Variants in CRACD observed in about 807,000 individuals in gnomAD.
CRACD encodes capping protein inhibiting regulator of actin dynamics.
Under a neutral mutation model 106.8 loss-of-function variants are expected in CRACD, and 56 were observed. That is an observed-to-expected ratio of 0.52 (90% CI 0.42 to 0.66). CRACD has a LOEUF of 0.66. Ranked by LOEUF, CRACD falls within the 30% of genes least tolerant of loss-of-function variation. The pLI is 0.00. For missense variants in CRACD, 1,730 were observed against 1,623.2 expected, an observed-to-expected ratio of 1.07 and a Z score of -1.13; for synonymous variants, 754 against 670.8, an observed-to-expected ratio of 1.12 and a Z score of -1.92.
At position 56,168,330 on chromosome 4, in the gene CRACD, T is replaced by A. The variant is rs143748374; in HGVS notation, c.-335-10954T>A. 6.5e-4 allele frequency among the ~76,000 whole-genome samples: 99 copies of A among 152,334 alleles called. 4 individuals carry two copies. In the East Asian group the frequency reaches 0.015, roughly 23 times the overall value. ...AACTCTTTAAGATTTTTCTTCTTTT[T>A]GTCTGTTAATATTGTAAATTACACT... On this transcript the variant is annotated intron_variant, in intron 1 of 10. Coordinates refer to ENST00000682029, the MANE Select transcript of CRACD (RefSeq NM_001393381.1).
At chr4:56,090,453 A>G (rs1020289929) in intron 1 of CRACD, among the ~76,000 whole-genome samples, 2 of 152,074 alleles carry the variant, frequency 1.3e-5, no homozygotes, top group Non-Finnish European at 2.9e-5. Flanking sequence ...GCTGGAGTGC[A>G]GTGGCACTAT....
intron 1 of CRACD, among the ~76,000 whole-genome samples, chr4:56,174,116 G>C (rs1235322447): frequency 1.3e-5 from 2 of 152,108 alleles, no homozygotes; most frequent in African/African-American, 4.8e-5. Context: ...CTAAAATCTG[G>C]CAACACCATT....
chr4:56,169,751 G>T (rs1234855976), intron 1 of CRACD, among the ~76,000 whole-genome samples: 1 of 152,112 alleles, frequency 6.6e-6, no homozygotes, highest in Non-Finnish European at 1.5e-5. Context: ...ACCTGCCTTG[G>T]CGTCCCAAAG....
At chr4:56,183,173 C>T (rs1343414599) in intron 2 of CRACD, among the ~76,000 whole-genome samples, 4 of 150,736 alleles carry the variant, frequency 2.7e-5, no homozygotes, top group East Asian at 1.9e-4. Context: ...GCGGAGGTTG[C>T]GGTGAGCCAA....
At chr4:56,185,770 C>G (rs572166331) in intron 2 of CRACD, among the ~76,000 whole-genome samples, 66 of 152,302 alleles carry the variant, frequency 4.3e-4, no homozygotes, top group African/African-American at 1.6e-3. Flanking sequence ...CCTGTCTCCC[C>G]ACCCCTGACT....
In CRACD at chr4:56,111,681, A is replaced by AT. The variant is rs1382119125; in HGVS notation, c.-336+62392dup. ...CTCAGCCTCCTAAGTAGCCCAGCTAATTTTTTTTTTGTATTTTTATTAGAG... is the reference window on the plus strand; with the variant it reads ...CTCAGCCTCCTAAGTAGCCCAGCTAATTTTTTTTTTTGTATTTTTATTAGAG... On this transcript the variant is annotated intron_variant, in intron 1 of 10. Coordinates refer to ENST00000682029, the MANE Select transcript of CRACD (RefSeq NM_001393381.1). Among the ~76,000 whole-genome samples the AT allele has an allele frequency of 1.9e-3, 283 of 149,634 alleles. 1 individual carries two copies. Among genetic ancestry groups the AT allele is most frequent in the South Asian group, 3.6e-3 (17 of 4,700 alleles).
chr4:56,137,042 A>G (rs955578017), intron 1 of CRACD, among the ~76,000 whole-genome samples: 2 of 152,070 alleles, frequency 1.3e-5, no homozygotes, highest in Non-Finnish European at 2.9e-5. Flanking sequence ...TTATGGTTCT[A>G]TTTGGGGATT....
At chr4:56,108,295 A>G (rs1180472385) in intron 1 of CRACD, among the ~76,000 whole-genome samples, 1 of 152,342 alleles carries the variant, frequency 6.6e-6, no homozygotes, top group East Asian at 1.9e-4. Flanking sequence ...TACCCCTGAT[A>G]TGATACATTG....
At chr4:56,223,453 C>A (rs1448232188) in intron 2 of CRACD, among the ~76,000 whole-genome samples, 1 of 151,928 alleles carries the variant, frequency 6.6e-6, no homozygotes, top group Non-Finnish European at 1.5e-5. Context: ...TGTCAGGTTG[C>A]CTCATTTTTG....
Position 56,059,275 on chromosome 4 carries a change from AAAACAAACAAAC to A in CRACD, c.-336+9990_-336+10001del, listed in dbSNP as rs56089137. Among the ~76,000 whole-genome samples the A allele has an allele frequency of 3.3e-4, 50 of 150,934 alleles. 2 individuals carry two copies. In the East Asian group the frequency reaches 9.4e-3, roughly 28 times the overall value. On this transcript the variant is annotated intron_variant, in intron 1 of 10. Coordinates refer to ENST00000682029, the MANE Select transcript of CRACD (RefSeq NM_001393381.1). ...CAACAAGACCAAACCCCACCTCTAC[AAAACAAACAAAC>A]AAACAAACAAACAGAAAACAAAGAC... is the stretch of plus-strand genomic sequence containing the variant.
intron 1 of CRACD, among the ~76,000 whole-genome samples, chr4:56,094,196 A>T (rs546181643): frequency 2.6e-5 from 4 of 152,192 alleles, no homozygotes; most frequent in Admixed American, 6.5e-5. Flanking sequence ...ATTGGTTGAT[A>T]TGTATATTTT....
chr4:56,082,076 A>C (rs1452554144), intron 1 of CRACD, among the ~76,000 whole-genome samples: 2 of 152,228 alleles, frequency 1.3e-5, no homozygotes, highest in Non-Finnish European at 1.5e-5. Flanking sequence ...GAAATATTTG[A>C]TAGTGGCTCT....
intron 1 of CRACD, among the ~76,000 whole-genome samples, chr4:56,169,472 T>A (rs542955124): frequency 1.1e-4 from 17 of 152,288 alleles, no homozygotes; most frequent in African/African-American, 4.1e-4. Context: ...TATCTTTTCA[T>A]GCCTGAACTT....
At chr4:56,279,386 G>A (rs1742876169) in intron 3 of CRACD, among the ~76,000 whole-genome samples, 1 of 152,118 alleles carries the variant, frequency 6.6e-6, no homozygotes, top group South Asian at 2.1e-4. Context: ...GAAAATTTTT[G>A]CAATCTGCTT....
chr4:56,249,677 A>G (rs1368102731), intron 2 of CRACD, among the ~76,000 whole-genome samples: 1 of 152,184 alleles, frequency 6.6e-6, no homozygotes, highest in Admixed American at 6.5e-5. Flanking sequence ...TTTTGGAGAA[A>G]GGGAGATGCC....
intron 8 of CRACD, among the ~76,000 whole-genome samples, chr4:56,319,103 T>C (rs1307733213): frequency 6.6e-6 from 1 of 152,128 alleles, no homozygotes; most frequent in African/African-American, 2.4e-5. Flanking sequence ...GATCATTTAG[T>C]TAAAAGGAGA....
intron 3 of CRACD, among the ~76,000 whole-genome samples, chr4:56,279,160 C>G (rs1742853313): frequency 6.6e-6 from 1 of 152,172 alleles, no homozygotes; most frequent in Admixed American, 6.5e-5. Flanking sequence ...AGAAATGTGA[C>G]TACACCCACT....
intron 1 of CRACD, among the ~76,000 whole-genome samples, chr4:56,052,234 C>G (rs1731903520): frequency 1.3e-5 from 2 of 152,022 alleles, no homozygotes; most frequent in African/African-American, 4.8e-5. Context: ...TACTTTGCCA[C>G]CCAGTATACA....
intron 1 of CRACD, among the ~76,000 whole-genome samples, chr4:56,118,019 A>G (rs954458834): frequency 1.3e-5 from 2 of 152,128 alleles, no homozygotes; most frequent in South Asian, 2.1e-4. Flanking sequence ...TCTGCCTCCT[A>G]AAGTGCTGGG....
Sources: gnomAD v4.1 joint callset for allele counts (sites outside exome capture counted in the v4.1 genomes callset) on GRCh38, gnomAD v4.1.1 for gene constraint, MANE v1.5 for transcripts, NCBI Gene and HGNC (gene_info 2026-07-23, HGNC 2026-07-21) for gene names.